SH2D3A: variants seen among roughly 807,000 people sequenced by gnomAD.
The protein encoded by SH2D3A is SH2 domain-containing protein 3A.
SH2D3A carries 46 observed loss-of-function variants against 50.6 expected under a neutral mutation model. That is an observed-to-expected ratio of 0.91 (90% CI 0.72 to 1.16). The LOEUF (loss-of-function observed/expected upper bound fraction) is 1.16, where lower values mean the gene tolerates loss of function less well. Among genes scored for constraint, SH2D3A ranks in the 50% most tolerant of loss-of-function variants. The pLI, the probability that SH2D3A is intolerant of heterozygous loss-of-function variation, is 0.00. For synonymous variants in SH2D3A, 377 were observed against 348.4 expected, an observed-to-expected ratio of 1.08 and a Z score of -0.91; for missense variants, 783 against 786.2, an observed-to-expected ratio of 1.00 and a Z score of 0.05.
At chr19:6,767,094 A>G (rs1453679234) in intron 1 of SH2D3A, among the ~76,000 whole-genome samples, 1 of 152,176 alleles carries the variant, frequency 6.6e-6, no homozygotes, top group Non-Finnish European at 1.5e-5. Context: ...TTTAATCTCT[A>G]TGACCCAAGG....
At position 6,754,716 on chromosome 19, in the gene SH2D3A, C is replaced by T. The variant is rs767572645; in HGVS notation, c.997G>A (p.Gly333Arg). The T allele has an allele frequency of 6.2e-7, 1 of 1,614,176 alleles. No homozygotes were observed. Among genetic ancestry groups the T allele is most frequent in the East Asian group, 2.2e-5 (1 of 44,884 alleles). Reference protein sequence around the residue: ...LVDCQATGLLGVTRDQRGNMG... With the variant: ...LVDCQATGLLRVTRDQRGNMG... ...TTGCCCCGCTGATCTCTGGTCACTC[C>T]CAGGAGGCCTGTGGCCTGCAGAAGG... Residue 333 changes from glycine (G) to arginine (R), a missense_variant, in exon 6 of 10, where the codon GGA becomes AGA. Gly to Arg is a moderately radical substitution (Grantham distance 125, BLOSUM62 -2). Coordinates refer to ENST00000245908, the MANE Select transcript of SH2D3A (RefSeq NM_005490.3).
Position 6,754,071 on chromosome 19 carries a change from C to A in SH2D3A, c.1365G>T (p.Arg455=). 2 of 1,609,762 alleles carry A rather than the reference C, an allele frequency of 1.2e-6. No individual in the cohort carries two copies. Among genetic ancestry groups the A allele is most frequent in the East Asian group, 2.2e-5 (1 of 44,790 alleles). The part of the protein sequence containing the change: ...AFEQELKPLM[R]ALDEGAGPCD... ...ACTTACCAGCGCCCTCATCCAGAGC[C>A]CGCATCAGCGGCTTCAGCTCCTGCT... Residue 455 remains arginine, a synonymous_variant, in exon 8 of 10, where the codon CGG becomes CGT. Transcript: ENST00000245908.
chr19:6,766,805 G>C lies in SH2D3A; in HGVS notation c.-69+582C>G, dbSNP rs138623636. Among the ~76,000 whole-genome samples the C allele has an allele frequency of 1.8e-3, 277 of 152,352 alleles. 1 individual carries two copies. The highest frequency in any genetic ancestry group is 6.4e-3 in the African/African-American group (267 of 41,582). On this transcript the variant is annotated intron_variant, in intron 1 of 9. Transcript: ENST00000245908. The stretch of plus-strand genomic sequence containing the variant: ...TGAAAGTGATAAGCCAGGGAGATGT[G>C]ATAGAGGAGGCTGGACAGGACAGCC...
chr19:6,754,478 G>T, intron 6 of SH2D3A, 53 bp from the exon 7 acceptor site: 1 of 1,535,474 alleles, frequency 6.5e-7, no homozygotes. Flanking sequence ...TTGTAATGCA[G>T]GGGTGAGGGG....
rs373443344 is a variant in SH2D3A, at chr19:6,753,486, A to G, written c.1540T>C (p.Phe514Leu). 1,464 of 1,532,290 alleles carry G rather than the reference A, an allele frequency of 9.6e-4. 1 individual carries two copies. The highest frequency in any genetic ancestry group is 1.2e-3 in the Non-Finnish European group (1,345 of 1,135,204). 94.9% of individuals were successfully genotyped at this position (1,532,290 alleles called of 1,614,324 possible). A position where few individuals can be genotyped will look rare whatever the true frequency, so the allele number is the denominator to read the frequency against. The change falls in exon 9 of 10, where the codon TTC (phenylalanine) becomes CTC (leucine). Residue 514 changes from phenylalanine to leucine, a missense_variant. By Grantham distance (22) the Phe-to-Leu change is conservative. Transcript: ENST00000245908. ...ARHMVRDAPK[F>L]RKVAAQRLRG... ...AGGCGCTGGGCTGCCACCTTGCGGA[A>G]TTTGGGTGCGTCCCGGACCATGTGA...
In SH2D3A at chr19:6,759,677, G is replaced by A; in HGVS notation, c.420-7C>T. ...GTTGCTCCACTTCCTTGCCCTGGGG[G>A]ACAGAAGTGGGAGAAACCTGTAGTC... On this transcript the variant is annotated splice_region_variant and splice_polypyrimidine_tract_variant and intron_variant, in intron 3 of 9. Coordinates refer to ENST00000245908, the MANE Select transcript of SH2D3A (RefSeq NM_005490.3). 6 of 1,613,540 alleles carry A rather than the reference G, an allele frequency of 3.7e-6. No homozygotes were observed. Among genetic ancestry groups the A allele is most frequent in the Non-Finnish European group, 4.2e-6 (5 of 1,179,666 alleles).
At chr19:6,759,340 T>C (rs140380863) in intron 4 of SH2D3A, 5,676 of 345,930 alleles carry the variant, frequency 0.016, 325 homozygotes, top group African/African-American at 0.11. Flanking sequence ...CTCGAATTCC[T>C]GACCTCAAGT....
At chr19:6,753,838 A>G (rs1386255707) in intron 8 of SH2D3A, among the ~76,000 whole-genome samples, 197 bp from the exon 9 acceptor site, 3 of 151,368 alleles carry the variant, frequency 2.0e-5, no homozygotes, top group Admixed American at 6.6e-5. Flanking sequence ...AGGGGCTGGG[A>G]CCAAGGCTGG....
intron 2 of SH2D3A, among the ~76,000 whole-genome samples, chr19:6,763,414 G>A (rs1970133931): frequency 6.6e-6 from 1 of 152,166 alleles, no homozygotes; most frequent in African/African-American, 2.4e-5. Context: ...GGAGTTCAGA[G>A]GGAGAGACGG....
Position 6,760,674 on chromosome 19 carries a change from G to A in SH2D3A, c.383C>T (p.Thr128Ile). ...GPLRRSFSED[T>I]LMDGPARIEP... ...TATCCGAGCTGGGCCATCCATCAGG[G>A]TGTCCTCGCTAAAGCTGCGTCGCAG... Residue 128 changes from threonine (T) to isoleucine (I), a missense_variant, in exon 3 of 10, where the codon ACC (threonine) becomes ATC (isoleucine). Physicochemically the swap from Thr to Ile is moderately conservative, Grantham distance 89 (BLOSUM62 -1). Coordinates refer to ENST00000245908, the MANE Select transcript of SH2D3A (RefSeq NM_005490.3). The A allele has an allele frequency of 6.2e-7, 1 of 1,605,046 alleles. No individual in the cohort carries two copies. The highest frequency in any genetic ancestry group is 8.5e-7 in the Non-Finnish European group (1 of 1,173,884).
chr19:6,760,569 G>C, intron 3 of SH2D3A, 69 bp downstream of exon 3: 1 of 1,277,818 alleles, frequency 7.8e-7, no homozygotes, highest in African/African-American at 1.5e-5. Flanking sequence ...AAAAAAAAAA[G>C]TCAACCATTG....
intron 4 of SH2D3A, chr19:6,758,492 G>A (rs10425752): frequency 0.1 from 15,270 of 151,502 alleles, 816 homozygotes; most frequent in African/African-American, 0.13. Context: ...TAGTAGAGAC[G>A]GGGTTTCGCC....
At chr19:6,756,636 C>G (rs1479454457) in intron 4 of SH2D3A, among the ~76,000 whole-genome samples, 7 of 152,068 alleles carry the variant, frequency 4.6e-5, no homozygotes, top group African/African-American at 7.2e-5. Context: ...TAAAACTGTA[C>G]TAAGACTTTT....
chr19:6,757,425 C>G (rs1306172489), intron 4 of SH2D3A: 1 of 151,360 alleles, frequency 6.6e-6, no homozygotes, highest in Non-Finnish European at 1.5e-5. Context: ...TCAAGGAGTC[C>G]TCCTGCTTCA....
chr19:6,759,404 C>T (rs983243488), intron 4 of SH2D3A, 190 bp downstream of exon 4: 9 of 537,724 alleles, frequency 1.7e-5, no homozygotes, highest in Admixed American at 9.6e-5. Context: ...TGAGCCACCG[C>T]GCTCAGCCTT....
rs1168524290 is a variant in SH2D3A, at chr19:6,754,613, C to G, written c.1097+3G>C. The G allele has an allele frequency of 5.6e-6, 9 of 1,614,138 alleles. No homozygotes were observed. The South Asian group carries it at 9.9e-5, about 18-fold the overall frequency. The stretch of plus-strand genomic sequence containing the variant: ...CAACCAAGATTACAAGCTGCTGGCT[C>G]ACCTCTCCAGCAGTTCCAACCTCAA... On this transcript the variant is annotated splice_donor_region_variant and intron_variant, in intron 6 of 9. Coordinates refer to ENST00000245908, the MANE Select transcript of SH2D3A (RefSeq NM_005490.3).
intron 9 of SH2D3A, 87 bp from the exon 10 acceptor site, chr19:6,752,840 G>A (rs2145566154): frequency 1.4e-6 from 2 of 1,434,334 alleles, no homozygotes; most frequent in Non-Finnish European, 1.8e-6. Flanking sequence ...TTTCCCCAGA[G>A]GACTTTGACC....
Position 6,752,721 on chromosome 19 carries a change from G to A in SH2D3A, c.1603C>T (p.Leu535=), listed in dbSNP as rs368877976. 1,133 of 1,552,148 alleles carry A rather than the reference G, an allele frequency of 7.3e-4. No individual in the cohort carries two copies. The highest frequency in any genetic ancestry group is 9.0e-4 in the Non-Finnish European group (1,033 of 1,147,328). ...AGCCTCCGCACGAAGCCGGTGGTCA[G>A]GGCCTCCCTCAGCTCCGGGTTAGGC... ...FRPNPELREA[L]TTGFVRRLLW... The change falls in exon 10 of 10, where the codon CTG becomes TTG. Residue 535 remains leucine, a synonymous_variant. Transcript: ENST00000245908.
Position 6,763,723 on chromosome 19 carries a change from T to C in SH2D3A, c.26A>G (p.Asp9Gly). 1 of 1,612,628 alleles carries C rather than the reference T, an allele frequency of 6.2e-7. No homozygotes were observed. MQVPQDGE[D>G]LAGQPWYHGL... is the part of the protein sequence containing the mutation. ...GTGGTACCAAGGTTGGCCAGCAAGG[T>C]CTTCTCCATCCTGTGGCACCTGCAT... is the stretch of plus-strand genomic sequence containing the variant. The change falls in exon 2 of 10, where the codon GAC (aspartate) becomes GGC (glycine). Residue 9 changes from aspartate (D) to glycine (G), a missense_variant. Transcript: ENST00000245908.
Sources: gnomAD v4.1 joint callset for allele counts (sites outside exome capture counted in the v4.1 genomes callset) on GRCh38, gnomAD v4.1.1 for gene constraint, MANE v1.5 for transcripts, NCBI Gene and HGNC (gene_info 2026-07-23, HGNC 2026-07-21) for gene names.